SNTG1: variants seen among roughly 807,000 people sequenced by gnomAD.
SNTG1 encodes the protein syntrophin gamma 1.
A neutral mutation model predicts 74.7 loss-of-function variants in SNTG1; 39 were observed. The observed-to-expected ratio is 0.52, with a 90% CI of 0.40 to 0.68. SNTG1 has a LOEUF of 0.68. Ranked by LOEUF, SNTG1 falls within the 30% of genes least tolerant of loss-of-function variation. The pLI is 0.00. For synonymous variants in SNTG1, 254 were observed against 217.1 expected, an observed-to-expected ratio of 1.17 and a Z score of -1.49; for missense variants, 685 against 609.5, an observed-to-expected ratio of 1.12 and a Z score of -1.30.
At chr8:49,925,183 T>A (rs1334114138) in intron 1 of SNTG1, among the ~76,000 whole-genome samples, 2 of 151,938 alleles carry the variant, frequency 1.3e-5, no homozygotes, top group African/African-American at 4.8e-5. Context: ...ATAAACAAAT[T>A]ACAGATGCAG....
At chr8:50,192,667 C>T (rs532825156) in intron 2 of SNTG1, among the ~76,000 whole-genome samples, 2 of 151,494 alleles carry the variant, frequency 1.3e-5, no homozygotes, top group South Asian at 4.2e-4. Flanking sequence ...TAGGTCCCAG[C>T]TATTTTTTTT....
At position 49,942,808 on chromosome 8, in the gene SNTG1, C is replaced by T. The variant is rs117866939; in HGVS notation, c.-103+30577C>T. ...GCATCCTGTCAACACAACGTATCAC[C>T]GTTGATGTGGACTTCAGTCACTTGG... On this transcript the variant is annotated intron_variant, in intron 1 of 18. Transcript: ENST00000642720. Among the ~76,000 whole-genome samples, 1,019 of 152,264 alleles carry T rather than the reference C, an allele frequency of 6.7e-3. 6 individuals carry two copies. Among genetic ancestry groups the T allele is most frequent in the South Asian group, 0.016 (76 of 4,826 alleles).
At chr8:50,616,038 A>G (rs2094883435) in intron 13 of SNTG1, among the ~76,000 whole-genome samples, 1 of 152,202 alleles carries the variant, frequency 6.6e-6, no homozygotes, top group Non-Finnish European at 1.5e-5. Context: ...CTTCTCCAGG[A>G]GTTCTCAGTT....
intron 1 of SNTG1, among the ~76,000 whole-genome samples, chr8:50,086,275 T>C (rs1822876734): frequency 6.6e-6 from 1 of 152,176 alleles, no homozygotes; most frequent in African/African-American, 2.4e-5. Flanking sequence ...GTGTTGTTTT[T>C]TCTCTCTGAT....
intron 1 of SNTG1, among the ~76,000 whole-genome samples, chr8:49,930,824 T>C (rs1395565608): frequency 2.0e-5 from 3 of 152,104 alleles, no homozygotes; most frequent in Non-Finnish European, 4.4e-5. Flanking sequence ...AATAAGATAT[T>C]AGTAAGAACA....
intron 9 of SNTG1, among the ~76,000 whole-genome samples, chr8:50,523,255 A>G (rs574658692): frequency 1.3e-5 from 2 of 152,294 alleles, no homozygotes; most frequent in African/African-American, 4.8e-5. Context: ...TATCAGTAAG[A>G]AGATTGTTTT....
intron 1 of SNTG1, 138 bp downstream of exon 1, chr8:49,912,369 C>A (rs1266321605): frequency 6.6e-6 from 1 of 152,154 alleles, no homozygotes; most frequent in Non-Finnish European, 1.5e-5. Flanking sequence ...ATAATTGTTT[C>A]TGGATCATTG....
intron 2 of SNTG1, among the ~76,000 whole-genome samples, chr8:50,329,155 C>A (rs537797358): frequency 6.6e-6 from 1 of 152,294 alleles, no homozygotes; most frequent in Admixed American, 6.5e-5. Flanking sequence ...CTGCAGGGTT[C>A]AACCTCCCCG....
chr8:50,255,942 T>C (rs4543555), intron 2 of SNTG1, among the ~76,000 whole-genome samples: 85,790 of 152,054 alleles, frequency 0.56, 27,947 homozygotes, highest in East Asian at 0.83. Flanking sequence ...AAACCCTACC[T>C]TGCCTATAAG....
chr8:50,693,188 C>T (rs1306584740), intron 15 of SNTG1, among the ~76,000 whole-genome samples: 1 of 152,316 alleles, frequency 6.6e-6, no homozygotes, highest in Non-Finnish European at 1.5e-5. Flanking sequence ...AATTCCCTGA[C>T]CCCTTGCACT....
intron 13 of SNTG1, among the ~76,000 whole-genome samples, chr8:50,618,106 T>C (rs1226302732): frequency 2.0e-5 from 3 of 152,212 alleles, no homozygotes; most frequent in African/African-American, 4.8e-5. Context: ...TAAGTTGTTA[T>C]GATGTTTGCA....
intron 1 of SNTG1, among the ~76,000 whole-genome samples, chr8:50,169,439 C>A (rs1353302588): frequency 6.6e-6 from 1 of 152,108 alleles, no homozygotes; most frequent in Non-Finnish European, 1.5e-5. Flanking sequence ...CACTTAAATG[C>A]AACTTAATAT....
chr8:50,739,643 C>G (rs529972590), intron 17 of SNTG1, among the ~76,000 whole-genome samples: 31 of 151,938 alleles, frequency 2.0e-4, no homozygotes, highest in African/African-American at 6.8e-4. Context: ...TGCAGCAAAC[C>G]ACCATGGCAT....
Position 50,402,266 on chromosome 8 carries a change from G to A in SNTG1, c.84G>A (p.Arg28=), listed in dbSNP as rs1478301019. 1.9e-6 allele frequency: 3 copies of A among 1,613,556 alleles called. No homozygotes were observed. Among genetic ancestry groups the A allele is most frequent in the African/African-American group, 2.7e-5 (2 of 74,818 alleles). Residue 28 remains arginine (R), a synonymous_variant, in exon 4 of 19, where the codon CGG becomes CGA. Coordinates refer to ENST00000642720, the MANE Select transcript of SNTG1 (RefSeq NM_018967.5). The part of the protein sequence containing the change: ...QDGNQEPFKV[R]LHLAKDILMI... The stretch of plus-strand genomic sequence containing the variant: ...GTAACCAGGAGCCTTTCAAAGTGCG[G>A]CTGCACCTAGCCAAAGACATTTTGA...
intron 1 of SNTG1, among the ~76,000 whole-genome samples, chr8:49,945,521 C>T (rs1038655469): frequency 6.6e-6 from 1 of 152,188 alleles, no homozygotes; most frequent in Non-Finnish European, 1.5e-5. Flanking sequence ...AACAAAATGA[C>T]TTACAATAAG....
At chr8:50,226,609 C>A (rs569228166) in intron 2 of SNTG1, among the ~76,000 whole-genome samples, 1 of 152,254 alleles carries the variant, frequency 6.6e-6, no homozygotes, top group Non-Finnish European at 1.5e-5. Context: ...GGTCTTTAGA[C>A]AAACTCAACC....
chr8:50,467,072 A>T (rs564877046), intron 8 of SNTG1, among the ~76,000 whole-genome samples: 1 of 152,006 alleles, frequency 6.6e-6, no homozygotes, highest in South Asian at 2.1e-4. Context: ...TTGATTTGCT[A>T]ATATTTTATT....
At chr8:50,572,275 T>TATATAGAG (rs567247331) in intron 12 of SNTG1, among the ~76,000 whole-genome samples, 11 of 148,372 alleles carry the variant, frequency 7.4e-5, no homozygotes, top group African/African-American at 1.5e-4. Flanking sequence ...TATATATATA[T>TATATAGAG]AGAGAGAGAG....
rs565319590 is a variant in SNTG1, at chr8:50,238,196, CA to C, written c.-28+65565del. On this transcript the variant is annotated intron_variant, in intron 2 of 18. Coordinates refer to ENST00000642720, the MANE Select transcript of SNTG1 (RefSeq NM_018967.5). ...CCCAAATAACCAAAGCAACCCTAAG[CA>C]AAAGGAACAAAACTGGAGGGATCAC... Among the ~76,000 whole-genome samples the C allele has an allele frequency of 9.9e-5, 15 of 152,124 alleles. No homozygotes were observed. The South Asian group carries it at 3.1e-3, about 31-fold the overall frequency.
Sources: gnomAD v4.1 joint callset for allele counts (sites outside exome capture counted in the v4.1 genomes callset) on GRCh38, gnomAD v4.1.1 for gene constraint, MANE v1.5 for transcripts, NCBI Gene and HGNC (gene_info 2026-07-23, HGNC 2026-07-21) for gene names.